MED12L: variants seen among roughly 807,000 people sequenced by gnomAD.
MED12L encodes mediator complex subunit 12L.
In MED12L, 60 loss-of-function variants were observed where a neutral mutation model predicts 281.3. That is an observed-to-expected ratio of 0.21 (90% CI 0.17 to 0.26). The LOEUF is 0.26. Ranked by LOEUF, MED12L falls within the 10% of genes least tolerant of loss-of-function variation. MED12L has a pLI of 1.00. For missense variants in MED12L, 2,146 were observed against 2,680.9 expected (o/e 0.80, Z 4.41); for synonymous variants, 974 against 987.2 (o/e 0.99, Z 0.25).
chr3:151,436,398 G>GTACAT lies in MED12L; in HGVS notation c.*3597_*3601dup. Reference sequence around the variant, plus strand: ...TTCATTTTTTTACTGAAAAATTCAGGTACATTAGCCATTTGTTATTTTATA... The same window carrying GTACAT: ...TTCATTTTTTTACTGAAAAATTCAGGTACATTACATTAGCCATTTGTTATTTTATA... On this transcript the variant is annotated 3_prime_UTR_variant, in exon 45 of 45. Coordinates refer to ENST00000687756, the MANE Select transcript of MED12L (RefSeq NM_001393769.1). The GTACAT allele has an allele frequency of 4.1e-6, 1 of 245,798 alleles. No homozygotes were observed. Among genetic ancestry groups the GTACAT allele is most frequent in the Non-Finnish European group, 7.8e-6 (1 of 128,026 alleles). The allele number at this position is 245,798 out of a possible 1,614,324, so 15.2% of individuals were successfully genotyped here.
intron 25 of MED12L, among the ~76,000 whole-genome samples, chr3:151,368,669 C>CATTTT (rs1560087303): frequency 8.6e-5 from 5 of 58,474 alleles, no homozygotes; most frequent in African/African-American, 2.5e-4. Context: ...CATTTCATTT[C>CATTTT]ATTTCATGTC....
At chr3:151,378,936 A>G (rs920781078) in intron 31 of MED12L, among the ~76,000 whole-genome samples, 1 of 152,248 alleles carries the variant, frequency 6.6e-6, no homozygotes, top group Admixed American at 6.5e-5. Flanking sequence ...TATAGCAATC[A>G]TGTGGTAGGT....
At chr3:151,242,106 C>A (rs932956829) in intron 16 of MED12L, among the ~76,000 whole-genome samples, 1 of 152,242 alleles carries the variant, frequency 6.6e-6, no homozygotes, top group African/African-American at 2.4e-5. Flanking sequence ...TATCCCGCAC[C>A]TGGCTCGGAG....
chr3:151,314,756 G>A (rs1321710531), intron 16 of MED12L, among the ~76,000 whole-genome samples: 1 of 152,078 alleles, frequency 6.6e-6, no homozygotes, highest in African/African-American at 2.4e-5. Context: ...CAACCCCAGC[G>A]TCTCAGCATA....
In MED12L at chr3:151,411,213, C is replaced by T. The variant is rs952471716; in HGVS notation, c.5911-65C>T. ...ATGGGTTTGTTTTTGCCCCATATAT[C>T]GTAGTGATGGGAAAGCTAGGTGATA... On this transcript the variant is annotated intron_variant, in intron 40 of 44. Coordinates refer to ENST00000687756, the MANE Select transcript of MED12L (RefSeq NM_001393769.1). 13 of 1,398,348 alleles carry T rather than the reference C, an allele frequency of 9.3e-6. No individual in the cohort carries two copies. The Admixed American group carries it at 1.0e-4, about 11-fold the overall frequency. The allele number at this position is 1,398,348 out of a possible 1,614,324, so 86.6% of individuals were successfully genotyped here.
intron 16 of MED12L, among the ~76,000 whole-genome samples, chr3:151,240,722 C>G (rs1029763375): frequency 6.6e-6 from 1 of 152,188 alleles, no homozygotes; most frequent in African/African-American, 2.4e-5. Context: ...ATGTAAATAT[C>G]CAGTCAAGGG....
chr3:151,245,045 T>C (rs1485430622), intron 16 of MED12L, among the ~76,000 whole-genome samples: 1 of 152,136 alleles, frequency 6.6e-6, no homozygotes, highest in African/African-American at 2.4e-5. Context: ...CCTTGACACA[T>C]ACACTCTCCC....
chr3:151,359,800 T>G (rs1754383730), intron 20 of MED12L, among the ~76,000 whole-genome samples: 1 of 152,114 alleles, frequency 6.6e-6, no homozygotes, highest in South Asian at 2.1e-4. Flanking sequence ...GATGCACAGA[T>G]AGGTGAATGG....
intron 11 of MED12L, among the ~76,000 whole-genome samples, chr3:151,183,689 C>G (rs1268401488): frequency 6.6e-6 from 1 of 152,170 alleles, no homozygotes; most frequent in Non-Finnish European, 1.5e-5. Context: ...ACATACAGTT[C>G]TTCTATATGT....
At chr3:151,253,333 G>A (rs1389429542) in intron 16 of MED12L, among the ~76,000 whole-genome samples, 3 of 152,132 alleles carry the variant, frequency 2.0e-5, no homozygotes, top group African/African-American at 4.8e-5. Context: ...GGGGCCTTCC[G>A]CTCTTACCCC....
rs542860715 is a variant in MED12L, at chr3:151,112,129, A to T, written c.100-4209A>T. Among the ~76,000 whole-genome samples the T allele has an allele frequency of 5.0e-4, 76 of 152,330 alleles. 1 individual carries two copies. The highest frequency in any genetic ancestry group is 1.7e-3 in the African/African-American group (72 of 41,568). On this transcript the variant is annotated intron_variant, in intron 2 of 44. Transcript: ENST00000687756. ...GACTATTTTGTTAGTTTGAAACTGT[A>T]GCAAGAGTGTATCACAGTTTCAAAA...
At chr3:151,243,362 G>C (rs1454849733) in intron 16 of MED12L, among the ~76,000 whole-genome samples, 2 of 151,022 alleles carry the variant, frequency 1.3e-5, no homozygotes, top group Non-Finnish European at 3.0e-5. Flanking sequence ...AGGGCAGCCA[G>C]AGAGAAAGGT....
intron 33 of MED12L, among the ~76,000 whole-genome samples, chr3:151,383,512 C>A (rs1310388539): frequency 1.3e-5 from 2 of 152,154 alleles, no homozygotes; most frequent in African/African-American, 4.8e-5. Flanking sequence ...AGATTTGGAA[C>A]AAAAGAAAGC....
intron 11 of MED12L, among the ~76,000 whole-genome samples, chr3:151,182,248 G>T (rs16863219): frequency 0.039 from 5,993 of 151,994 alleles, 389 homozygotes; most frequent in African/African-American, 0.14. Flanking sequence ...GACTGCTGTT[G>T]GATGTATGCC....
Position 151,163,884 on chromosome 3 carries a change from C to A in MED12L, c.1108-9C>A, listed in dbSNP as rs752871878. On this transcript the variant is annotated splice_polypyrimidine_tract_variant and intron_variant, in intron 8 of 44. Coordinates refer to ENST00000687756, the MANE Select transcript of MED12L (RefSeq NM_001393769.1). ...TCTGAACATCCAACTTTATCTGTTT[C>A]ATTTCCAGACTGTCACTCTCTGTTG... The A allele has an allele frequency of 1.2e-5, 19 of 1,604,436 alleles. No individual in the cohort carries two copies. Among genetic ancestry groups the A allele is most frequent in the South Asian group, 9.9e-5 (9 of 90,498 alleles).
chr3:151,092,235 G>A (rs2148617665), intron 2 of MED12L, among the ~76,000 whole-genome samples: 1 of 152,238 alleles, frequency 6.6e-6, no homozygotes, highest in East Asian at 1.9e-4. Context: ...CTCCCCCACA[G>A]GGAGGCCTTC....
chr3:151,185,500 T>G (rs201934605), intron 12 of MED12L, 39 bp downstream of exon 12: 149 of 1,610,248 alleles, frequency 9.3e-5, no homozygotes, highest in South Asian at 4.5e-4. Context: ...AATGCCGTAA[T>G]GTAAAAATAC....
At chr3:151,424,545 C>T (rs1421368134) in intron 43 of MED12L, among the ~76,000 whole-genome samples, 1 of 152,026 alleles carries the variant, frequency 6.6e-6, no homozygotes, top group Non-Finnish European at 1.5e-5. Context: ...CGTGAACCCC[C>T]GGGAGGCGGA....
chr3:151,106,699 A>G (rs985813677), intron 2 of MED12L, among the ~76,000 whole-genome samples: 9 of 152,050 alleles, frequency 5.9e-5, no homozygotes, highest in African/African-American at 1.9e-4. Flanking sequence ...TTCTTTTGTT[A>G]GGCACACATG....
Sources: gnomAD v4.1 joint callset for allele counts (sites outside exome capture counted in the v4.1 genomes callset) on GRCh38, gnomAD v4.1.1 for gene constraint, MANE v1.5 for transcripts, NCBI Gene and HGNC (gene_info 2026-07-23, HGNC 2026-07-21) for gene names.